ZFHX4: variants seen among roughly 807,000 people sequenced by gnomAD.
ZFHX4 encodes zinc finger homeobox protein 4.
Under a neutral mutation model 267.6 loss-of-function variants are expected in ZFHX4, and 56 were observed. The ratio of observed to expected loss-of-function variants is 0.21; its 90% CI spans 0.17 to 0.26. The LOEUF is 0.26. ZFHX4 is among the 10% of genes least tolerant of loss of function. The pLI is 1.00. For synonymous variants in ZFHX4, 1,778 were observed against 1,665.6 expected (o/e 1.07, Z -1.64); for missense variants, 4,332 against 4,420.0 (o/e 0.98, Z 0.56).
intron 1 of ZFHX4, among the ~76,000 whole-genome samples, chr8:76,695,803 GT>G (rs748796235): frequency 2.5e-4 from 38 of 152,286 alleles, no homozygotes; most frequent in Non-Finnish European, 4.3e-4. Context: ...AGGCTGATTA[GT>G]TTTTTCCCCC....
At chr8:76,836,481 G>A (rs568016832) in intron 5 of ZFHX4, among the ~76,000 whole-genome samples, 64 of 152,168 alleles carry the variant, frequency 4.2e-4, no homozygotes, top group African/African-American at 1.4e-3. Context: ...AATGACAAGT[G>A]AGCCGAGTCC....
At chr8:76,707,416 C>T in intron 2 of ZFHX4, 130 bp from the exon 3 acceptor site, 1 of 817,224 alleles carries the variant, frequency 1.2e-6, no homozygotes, top group Non-Finnish European at 1.8e-6. Context: ...TGATTGAATC[C>T]TATTACAGCT....
chr8:76,741,381 T>G (rs1293125677), intron 3 of ZFHX4, among the ~76,000 whole-genome samples: 1 of 152,062 alleles, frequency 6.6e-6, no homozygotes, highest in East Asian at 1.9e-4. Context: ...TAAAAATAAA[T>G]AAAGAAATTT....
chr8:76,825,473 C>T (rs537038638), intron 4 of ZFHX4, among the ~76,000 whole-genome samples: 61 of 152,334 alleles, frequency 4.0e-4, no homozygotes, highest in African/African-American at 1.4e-3. Context: ...TAATGAAATA[C>T]TTCTTTGAAC....
At chr8:76,784,026 A>G (rs973378558) in intron 4 of ZFHX4, among the ~76,000 whole-genome samples, 1 of 151,980 alleles carries the variant, frequency 6.6e-6, no homozygotes, top group African/African-American at 2.4e-5. Flanking sequence ...TAAAATAATT[A>G]GTCTTTTATG....
chr8:76,771,393 T>C (rs1232189793), intron 3 of ZFHX4, among the ~76,000 whole-genome samples: 1 of 152,120 alleles, frequency 6.6e-6, no homozygotes, highest in Admixed American at 6.6e-5. Context: ...AATTGTTAAA[T>C]TCATGAATCA....
At chr8:76,783,524 T>C (rs1810607470) in intron 4 of ZFHX4, among the ~76,000 whole-genome samples, 1 of 152,014 alleles carries the variant, frequency 6.6e-6, no homozygotes, top group Admixed American at 6.6e-5. Context: ...TCTCTCCCTA[T>C]TTGGTGATAC....
At position 76,716,192 on chromosome 8, in the gene ZFHX4, C is replaced by G. The variant is rs117540586; in HGVS notation, c.3093+8144C>G. Among the ~76,000 whole-genome samples the G allele has an allele frequency of 3.3e-5, 5 of 151,978 alleles. No individual in the cohort carries two copies. The East Asian group carries it at 7.7e-4, about 24-fold the overall frequency. ...AGGCCTCATTTATCGATAGAGTTGG[C>G]AATTTACTATCTATATAAAATTTAT... is the stretch of plus-strand genomic sequence containing the variant. On this transcript the variant is annotated intron_variant, in intron 3 of 10. Coordinates refer to ENST00000651372, the MANE Select transcript of ZFHX4 (RefSeq NM_024721.5).
chr8:76,698,872 G>A (rs747914393), intron 1 of ZFHX4, among the ~76,000 whole-genome samples: 16 of 152,120 alleles, frequency 1.1e-4, no homozygotes, highest in South Asian at 2.1e-4. Context: ...GCCGTGTCAG[G>A]AGAGGTCGTC....
chr8:76,702,185 C>G (rs886682406), intron 1 of ZFHX4, among the ~76,000 whole-genome samples: 22 of 152,058 alleles, frequency 1.4e-4, no homozygotes, highest in Non-Finnish European at 2.8e-4. Context: ...TGAAGCTCAT[C>G]AATGATTAAA....
intron 3 of ZFHX4, among the ~76,000 whole-genome samples, chr8:76,722,463 G>A (rs1366283178): frequency 6.6e-6 from 1 of 151,652 alleles, no homozygotes; most frequent in Non-Finnish European, 1.5e-5. Flanking sequence ...ATGGTGGGAG[G>A]GTATAGGGGA....
At chr8:76,691,485 C>T (rs1807822363) in intron 1 of ZFHX4, among the ~76,000 whole-genome samples, 1 of 152,064 alleles carries the variant, frequency 6.6e-6, no homozygotes, top group South Asian at 2.1e-4. Flanking sequence ...AAGAATAACA[C>T]CTAGTTAAGA....
At chr8:76,769,384 C>G (rs1374579222) in intron 3 of ZFHX4, among the ~76,000 whole-genome samples, 1 of 151,408 alleles carries the variant, frequency 6.6e-6, no homozygotes, top group African/African-American at 2.4e-5. Context: ...GGGTCTTGCT[C>G]TGTTGCCCAG....
At position 76,769,476 on chromosome 8, in the gene ZFHX4, A is replaced by G. The variant is rs145332179; in HGVS notation, c.3094-8732A>G. The stretch of plus-strand genomic sequence containing the variant: ...GCGATCCTCCTACTTCAGCCTCACC[A>G]GTAGCTAGGACTACAGGCAATGAGT... On this transcript the variant is annotated intron_variant, in intron 3 of 10. Coordinates refer to ENST00000651372, the MANE Select transcript of ZFHX4 (RefSeq NM_024721.5). Among the ~76,000 whole-genome samples the G allele has an allele frequency of 4.8e-3, 735 of 152,070 alleles. 13 individuals carry two copies. Among genetic ancestry groups the G allele is most frequent in the African/African-American group, 0.016 (684 of 41,480 alleles).
intron 3 of ZFHX4, among the ~76,000 whole-genome samples, chr8:76,755,786 A>G (rs1250661546): frequency 6.6e-6 from 1 of 152,166 alleles, no homozygotes; most frequent in Non-Finnish European, 1.5e-5. Flanking sequence ...TCTTTGAGCA[A>G]GTATCATTTG....
intron 10 of ZFHX4, among the ~76,000 whole-genome samples, chr8:76,860,013 GA>G (rs1812826777): frequency 6.6e-6 from 1 of 151,964 alleles, no homozygotes; most frequent in Non-Finnish European, 1.5e-5. Context: ...TAGGAGTTGG[GA>G]AATGGGAAAG....
chr8:76,826,439 G>T (rs760921797), intron 4 of ZFHX4, among the ~76,000 whole-genome samples: 1 of 152,176 alleles, frequency 6.6e-6, no homozygotes, highest in Non-Finnish European at 1.5e-5. Flanking sequence ...AAGAAGTACT[G>T]CTGGATAACT....
chr8:76,814,726 G>T lies in ZFHX4; in HGVS notation c.3326-18612G>T, dbSNP rs190781785. Among the ~76,000 whole-genome samples, 607 of 152,256 alleles carry T rather than the reference G, an allele frequency of 4.0e-3. 4 individuals are homozygous for T. Among genetic ancestry groups the T allele is most frequent in the African/African-American group, 0.014 (570 of 41,538 alleles). On this transcript the variant is annotated intron_variant, in intron 4 of 10. Transcript: ENST00000651372. ...CCATGTATTCAGGTGAGGGACTGGT[G>T]CCTCTCTAGCATCCTGCCTGCGTGG...
chr8:76,728,241 T>C (rs1041209947), intron 3 of ZFHX4, among the ~76,000 whole-genome samples: 2 of 152,204 alleles, frequency 1.3e-5, no homozygotes, highest in African/African-American at 4.8e-5. Context: ...GTTTGTGTAA[T>C]AGCTTTCCCA....
Sources: gnomAD v4.1 joint callset for allele counts (sites outside exome capture counted in the v4.1 genomes callset) on GRCh38, gnomAD v4.1.1 for gene constraint, MANE v1.5 for transcripts, NCBI Gene and HGNC (gene_info 2026-07-23, HGNC 2026-07-21) for gene names.